The following ETF1 variants were observed in gnomAD, a reference collection of about 807,000 sequenced individuals.
The protein encoded by ETF1 is eukaryotic peptide chain release factor subunit 1.
In ETF1, 4 loss-of-function variants were observed where a neutral mutation model predicts 55.1. The observed-to-expected ratio is 0.07, with a 90% confidence interval of 0.04 to 0.17. The LOEUF (loss-of-function observed/expected upper bound fraction) is 0.17, where lower values mean the gene tolerates loss of function less well. ETF1 is among the 10% of genes least tolerant of loss of function. The probability of loss-of-function intolerance (pLI) is 1.00; values close to 1 mark genes in which losing one functional copy is unlikely to be tolerated. For synonymous variants in ETF1, 157 were observed against 182.3 expected (o/e 0.86, Z 1.12); for missense variants, 142 against 523.6 (o/e 0.27, Z 7.11).
intron 2 of ETF1, among the ~76,000 whole-genome samples, chr5:138,532,354 G>A (rs1431235190): frequency 6.6e-6 from 1 of 152,208 alleles, no homozygotes; most frequent in Non-Finnish European, 1.5e-5. Flanking sequence ...TAATGGCCGT[G>A]TGACCGAAGG....
intron 2 of ETF1, among the ~76,000 whole-genome samples, chr5:138,538,710 TTA>T (rs1766051553): frequency 6.6e-6 from 1 of 152,152 alleles, no homozygotes; most frequent in Non-Finnish European, 1.5e-5. Context: ...TTTGAGAATA[TTA>T]TTTCCACCAC....
chr5:138,514,205 G>A (rs1264891825), intron 4 of ETF1: 1 of 151,976 alleles, frequency 6.6e-6, no homozygotes, highest in East Asian at 1.9e-4. Context: ...CCAGGGGCTG[G>A]AAAAAAGGGG....
Position 138,542,883 on chromosome 5 carries a change from C to T in ETF1, c.36G>A (p.Val12=), listed in dbSNP as rs144091393. Residue 12 remains valine, a synonymous_variant, in exon 2 of 11, where the codon GTG becomes GTA. Transcript: ENST00000360541. ...TGAGCTTCTTGATCTTCCAGATCTC[C>T]ACGTTCCTGTCGGCAGCACTGGGGT... The part of the protein sequence containing the change: ...ADDPSAADRN[V]EIWKIKKLIK... 6.2e-7 allele frequency: 1 copy of T among 1,613,600 alleles called. No individual in the cohort carries two copies. The highest frequency in any genetic ancestry group is 1.3e-5 in the African/African-American group (1 of 74,942).
chr5:138,529,086 G>A (rs547289788), intron 2 of ETF1, among the ~76,000 whole-genome samples: 16 of 152,124 alleles, frequency 1.1e-4, no homozygotes, highest in African/African-American at 3.6e-4. Context: ...CCAAGATCCC[G>A]CCATTGCACT....
chr5:138,519,589 G>T (rs1765153507), intron 2 of ETF1, among the ~76,000 whole-genome samples: 1 of 151,826 alleles, frequency 6.6e-6, no homozygotes. Context: ...CTTGAATCCG[G>T]GAGGCGGAGG....
chr5:138,510,598 T>C lies in ETF1; in HGVS notation c.1050A>G (p.Gln350=), dbSNP rs745360280. 1.3e-5 allele frequency: 21 copies of C among 1,612,398 alleles called. No homozygotes were observed. Among genetic ancestry groups the C allele is most frequent in the Non-Finnish European group, 1.7e-6 (2 of 1,178,592 alleles). ...CTGTGAAATGAGATTTATCCTTTTC[T>C]TGCTCTGGAGTTAGATAGAGAATTT... ...EEKILYLTPE[Q]EKDKSHFTDK... is the part of the protein sequence containing the mutation. Residue 350 remains glutamine, a synonymous_variant, in exon 9 of 11, where the codon CAA becomes CAG. Coordinates refer to ENST00000360541, the MANE Select transcript of ETF1 (RefSeq NM_004730.4).
intron 4 of ETF1, among the ~76,000 whole-genome samples, chr5:138,515,219 G>A (rs1764970530): frequency 6.6e-6 from 1 of 152,158 alleles, no homozygotes; most frequent in South Asian, 2.1e-4. Flanking sequence ...TCGAGGTCAG[G>A]AGTTTCAGAC....
At chr5:138,542,477 C>G (rs542280993) in intron 2 of ETF1, among the ~76,000 whole-genome samples, 1 of 151,374 alleles carries the variant, frequency 6.6e-6, no homozygotes, top group South Asian at 2.1e-4. Flanking sequence ...AAAGGAAGGC[C>G]GAACACTTTG....
intron 2 of ETF1, among the ~76,000 whole-genome samples, chr5:138,519,385 C>A (rs771504884): frequency 6.6e-6 from 1 of 151,920 alleles, no homozygotes; most frequent in Non-Finnish European, 1.5e-5. Flanking sequence ...CTCTCTCGGC[C>A]GGGCACGATG....
intron 2 of ETF1, among the ~76,000 whole-genome samples, chr5:138,537,469 CA>C (rs892733698): frequency 7.2e-5 from 11 of 152,172 alleles, no homozygotes; most frequent in African/African-American, 2.4e-4. Context: ...ATGTGGAAAC[CA>C]AAATTTGGAA....
chr5:138,510,463 T>C (rs752707854), intron 9 of ETF1, 102 bp downstream of exon 9: 1 of 737,442 alleles, frequency 1.4e-6, no homozygotes, highest in Non-Finnish European at 2.3e-6. Flanking sequence ...CCCCAATTAG[T>C]ATAAGGTTTG....
chr5:138,519,557 G>A (rs971772044), intron 2 of ETF1, among the ~76,000 whole-genome samples: 2 of 151,812 alleles, frequency 1.3e-5, no homozygotes, highest in Non-Finnish European at 2.9e-5. Context: ...CAGCTATTCA[G>A]GTGGCTGAGG....
chr5:138,523,321 AG>A (rs1765314928), intron 2 of ETF1, among the ~76,000 whole-genome samples: 1 of 151,108 alleles, frequency 6.6e-6, no homozygotes, highest in South Asian at 2.1e-4. Context: ...GAGCCGAGAT[AG>A]AGCCACTGCA....
intron 2 of ETF1, among the ~76,000 whole-genome samples, chr5:138,521,645 G>C (rs1476137691): frequency 6.6e-6 from 1 of 152,118 alleles, no homozygotes; most frequent in Non-Finnish European, 1.5e-5. Flanking sequence ...TCCTGCCTCA[G>C]CCTCCCAAGT....
intron 2 of ETF1, among the ~76,000 whole-genome samples, chr5:138,532,608 A>T (rs1254260923): frequency 1.3e-5 from 2 of 152,204 alleles, no homozygotes; most frequent in African/African-American, 4.8e-5. Flanking sequence ...GATGGGGTTG[A>T]AGTCTTATTT....
chr5:138,530,704 G>A (rs886371053), intron 2 of ETF1, among the ~76,000 whole-genome samples: 6 of 151,932 alleles, frequency 3.9e-5, no homozygotes, highest in African/African-American at 1.5e-4. Flanking sequence ...CTCCCAAGTA[G>A]CTAGGGTTAC....
At chr5:138,539,765 G>GA (rs1215487040) in intron 2 of ETF1, among the ~76,000 whole-genome samples, 1 of 152,160 alleles carries the variant, frequency 6.6e-6, no homozygotes, top group African/African-American at 2.4e-5. Flanking sequence ...ACATAAAATA[G>GA]AATCTGTTAT....
chr5:138,524,170 GAC>G (rs941819509), intron 2 of ETF1, among the ~76,000 whole-genome samples: 38 of 149,732 alleles, frequency 2.5e-4, no homozygotes, highest in African/African-American at 9.1e-4. Flanking sequence ...CAGCTTGGGT[GAC>G]AGAGTGAGAC....
chr5:138,519,550 CT>C (rs1326260330), intron 2 of ETF1, among the ~76,000 whole-genome samples: 1 of 151,736 alleles, frequency 6.6e-6, no homozygotes, highest in Non-Finnish European at 1.5e-5. Flanking sequence ...GTAATCCCAG[CT>C]ATTCAGGTGG....
Sources: gnomAD v4.1 joint callset for allele counts (sites outside exome capture counted in the v4.1 genomes callset) on GRCh38, gnomAD v4.1.1 for gene constraint, MANE v1.5 for transcripts, NCBI Gene and HGNC (gene_info 2026-07-23, HGNC 2026-07-21) for gene names.